Variants in DLG2 observed in about 807,000 individuals in gnomAD.
DLG2 encodes the protein disks large homolog 2.
Under a neutral mutation model 132.5 loss-of-function variants are expected in DLG2, and 45 were observed. The ratio of observed to expected loss-of-function variants is 0.34; its 90% CI spans 0.27 to 0.44. The LOEUF (loss-of-function observed/expected upper bound fraction) is 0.44, where lower values mean the gene tolerates loss of function less well. Ranked by LOEUF, DLG2 falls within the 20% of genes least tolerant of loss-of-function variation. DLG2 has a pLI of 1.00. For synonymous variants in DLG2, 424 were observed against 419.6 expected, an observed-to-expected ratio of 1.01 and a Z score of -0.13; for missense variants, 1,045 against 1,196.9, an observed-to-expected ratio of 0.87 and a Z score of 1.87.
chr11:85,626,652 C>G lies in DLG2; in HGVS notation c.-158G>C, dbSNP rs1263013096. ...TTTCCACTGCCACAGGAGTCAATAT[C>G]TCTTTTCAGGTCTCAGTTTGATCCA... is the stretch of plus-strand genomic sequence containing the variant. On this transcript the variant is annotated 5_prime_UTR_variant, in exon 2 of 28. Coordinates refer to ENST00000376104, the MANE Select transcript of DLG2 (RefSeq NM_001142699.3). 1 of 152,192 alleles carries G rather than the reference C, an allele frequency of 6.6e-6. No homozygotes were observed. The highest frequency in any genetic ancestry group is 2.4e-5 in the African/African-American group (1 of 41,446). The allele number at this position is 152,192 out of a possible 1,614,324, so 9.4% of individuals were successfully genotyped here. A position where few individuals can be genotyped will look rare whatever the true frequency, so the allele number is the denominator to read the frequency against.
chr11:84,635,028 A>G (rs1351824480), intron 6 of DLG2, among the ~76,000 whole-genome samples: 4 of 152,252 alleles, frequency 2.6e-5, no homozygotes, highest in African/African-American at 9.6e-5. Flanking sequence ...GGATGACAAC[A>G]GGGGCCTCTG....
intron 9 of DLG2, among the ~76,000 whole-genome samples, chr11:84,149,250 T>G (rs935222830): frequency 6.6e-6 from 1 of 152,196 alleles, no homozygotes; most frequent in Non-Finnish European, 1.5e-5. Flanking sequence ...TTTTTGTTTT[T>G]GTTGCGATTC....
intron 6 of DLG2, among the ~76,000 whole-genome samples, chr11:84,813,894 AC>A (rs1396301392): frequency 6.6e-6 from 1 of 152,042 alleles, no homozygotes; most frequent in Non-Finnish European, 1.5e-5. Flanking sequence ...AAAGAGACTA[AC>A]TTTTCTTGCT....
chr11:83,801,696 C>T lies in DLG2; in HGVS notation c.1723-14904G>A, dbSNP rs183154760. 5.3e-5 allele frequency among the ~76,000 whole-genome samples: 8 copies of T among 152,266 alleles called. No individual in the cohort carries two copies. The East Asian group carries it at 1.5e-3, about 29-fold the overall frequency. On this transcript the variant is annotated intron_variant, in intron 17 of 27. Coordinates refer to ENST00000376104, the MANE Select transcript of DLG2 (RefSeq NM_001142699.3). ...CATTGAAAGTAGCCTCCCAGCCTAT[C>T]TCTAATTCATCTGGTTTTACTTTCT...
chr11:85,591,027 T>C lies in DLG2; in HGVS notation c.40+7630A>G, dbSNP rs565078486. ...CTCATCTAAAGCACATAAATTTAGT[T>C]AAATGGTGCCATCTGGTGACATAAA... On this transcript the variant is annotated intron_variant, in intron 3 of 27. Coordinates refer to ENST00000376104, the MANE Select transcript of DLG2 (RefSeq NM_001142699.3). Among the ~76,000 whole-genome samples, 8 of 152,302 alleles carry C rather than the reference T, an allele frequency of 5.3e-5. No homozygotes were observed. In the East Asian group the frequency reaches 7.7e-4, roughly 15 times the overall value.
intron 3 of DLG2, among the ~76,000 whole-genome samples, chr11:85,494,700 T>A (rs2093633082): frequency 6.6e-6 from 1 of 151,676 alleles, no homozygotes; most frequent in African/African-American, 2.4e-5. Flanking sequence ...TAAATTAGTA[T>A]TTCAAAAGCA....
At chr11:85,510,935 T>C (rs1242104282) in intron 3 of DLG2, among the ~76,000 whole-genome samples, 6 of 152,052 alleles carry the variant, frequency 3.9e-5, no homozygotes, top group Admixed American at 2.0e-4. Context: ...ATGTTTATTG[T>C]GGCACTATTC....
chr11:83,733,345 C>T (rs1262952576), intron 18 of DLG2, among the ~76,000 whole-genome samples: 1 of 151,666 alleles, frequency 6.6e-6, no homozygotes, highest in Non-Finnish European at 1.5e-5. Context: ...AATAAAACCA[C>T]TCACTAGGAC....
chr11:84,789,384 A>AT (rs1186433734), intron 6 of DLG2, among the ~76,000 whole-genome samples: 2 of 152,184 alleles, frequency 1.3e-5, no homozygotes, highest in Admixed American at 6.5e-5. Flanking sequence ...TTGAGTAAAC[A>AT]TTTTAGGACA....
intron 18 of DLG2, among the ~76,000 whole-genome samples, chr11:83,737,778 C>A (rs531914847): frequency 6.6e-6 from 1 of 152,210 alleles, no homozygotes; most frequent in South Asian, 2.1e-4. Flanking sequence ...ACTGTGAAAC[C>A]CCAATTCTAC....
At position 84,694,498 on chromosome 11, in the gene DLG2, TA is replaced by T. The variant is rs373323745; in HGVS notation, c.358-159768del. Among the ~76,000 whole-genome samples the T allele has an allele frequency of 7.1e-3, 1,080 of 151,668 alleles. 16 individuals carry two copies. Among genetic ancestry groups the T allele is most frequent in the African/African-American group, 0.024 (983 of 41,464 alleles). ...AATATCCTCATTATTCTGATGTAGG[TA>T]TTTTTTTTCTTTTTTGATTGGTAAA... On this transcript the variant is annotated intron_variant, in intron 6 of 27. Coordinates refer to ENST00000376104, the MANE Select transcript of DLG2 (RefSeq NM_001142699.3).
At chr11:84,182,741 G>A (rs1030940057) in intron 8 of DLG2, among the ~76,000 whole-genome samples, 1 of 152,004 alleles carries the variant, frequency 6.6e-6, no homozygotes, top group Non-Finnish European at 1.5e-5. Context: ...AAGAAAAGAA[G>A]TAAAAGTTAG....
At position 84,558,752 on chromosome 11, in the gene DLG2, G is replaced by A. The variant is rs553625927; in HGVS notation, c.358-24021C>T. Among the ~76,000 whole-genome samples the A allele has an allele frequency of 2.3e-4, 35 of 152,292 alleles. 1 individual carries two copies. The highest frequency in any genetic ancestry group is 7.2e-4 in the African/African-American group (30 of 41,566). ...GTCCACCTACGCCAAATTCCGTTCA[G>A]ATGTGTATAACTCATAGTTCACATT... On this transcript the variant is annotated intron_variant, in intron 6 of 27. Coordinates refer to ENST00000376104, the MANE Select transcript of DLG2 (RefSeq NM_001142699.3).
intron 18 of DLG2, among the ~76,000 whole-genome samples, chr11:83,751,627 T>C (rs956644468): frequency 6.6e-6 from 1 of 152,170 alleles, no homozygotes; most frequent in African/African-American, 2.4e-5. Flanking sequence ...AATTTGCTTA[T>C]GGATCAAATG....
intron 7 of DLG2, among the ~76,000 whole-genome samples, chr11:84,312,753 G>A (rs965604087): frequency 2.0e-5 from 3 of 152,150 alleles, no homozygotes; most frequent in Non-Finnish European, 4.4e-5. Context: ...AAGCTCCACA[G>A]TAGTAGGAGA....
intron 9 of DLG2, among the ~76,000 whole-genome samples, chr11:84,150,367 G>C (rs924745850): frequency 4.6e-5 from 7 of 152,084 alleles, no homozygotes; most frequent in African/African-American, 1.7e-4. Flanking sequence ...TTGGCTCTCA[G>C]CTTGAACATT....
At chr11:83,609,077 A>T (rs1461932961) in intron 19 of DLG2, among the ~76,000 whole-genome samples, 1 of 152,198 alleles carries the variant, frequency 6.6e-6, no homozygotes, top group African/African-American at 2.4e-5. Flanking sequence ...GTTTAACCTA[A>T]TATTTACATC....
intron 18 of DLG2, among the ~76,000 whole-genome samples, chr11:83,738,711 A>C (rs1364363990): frequency 6.6e-6 from 1 of 152,146 alleles, no homozygotes; most frequent in East Asian, 1.9e-4. Context: ...AATCCTAGGC[A>C]TCATATCCTA....
intron 6 of DLG2, among the ~76,000 whole-genome samples, chr11:84,887,781 G>A (rs1287449813): frequency 6.6e-6 from 1 of 152,016 alleles, no homozygotes; most frequent in African/African-American, 2.4e-5. Flanking sequence ...TCAAATCTAG[G>A]TCTATCTGCC....
Sources: gnomAD v4.1 joint callset for allele counts (sites outside exome capture counted in the v4.1 genomes callset) on GRCh38, gnomAD v4.1.1 for gene constraint, MANE v1.5 for transcripts, NCBI Gene and HGNC (gene_info 2026-07-23, HGNC 2026-07-21) for gene names.